Variants in ARHGAP12 observed in about 807,000 individuals in gnomAD.
The protein encoded by ARHGAP12 is rho GTPase-activating protein 12.
In ARHGAP12, 64 loss-of-function variants were observed where a neutral mutation model predicts 108.6. That is an observed-to-expected ratio of 0.59 (90% CI 0.48 to 0.73). The LOEUF is 0.73. Among genes scored for constraint, ARHGAP12 ranks in the 30% least tolerant of loss-of-function variants. The probability of loss-of-function intolerance (pLI) is 0.00; values close to 1 mark genes in which losing one functional copy is unlikely to be tolerated. For missense variants in ARHGAP12, 940 were observed against 1,005.9 expected, an observed-to-expected ratio of 0.93 and a Z score of 0.89; for synonymous variants, 312 against 337.2, an observed-to-expected ratio of 0.93 and a Z score of 0.82.
intron 13 of ARHGAP12, among the ~76,000 whole-genome samples, chr10:31,815,035 G>A (rs181689431): frequency 2.6e-5 from 4 of 151,338 alleles, no homozygotes; most frequent in East Asian, 3.9e-4. Context: ...CAGGAGAATC[G>A]GCGTGAACCT....
At chr10:31,832,134 A>C (rs1158163971) in intron 9 of ARHGAP12, among the ~76,000 whole-genome samples, 1 of 152,208 alleles carries the variant, frequency 6.6e-6, no homozygotes, top group East Asian at 1.9e-4. Flanking sequence ...ATACAATGCT[A>C]TAAGGATAAA....
At chr10:31,882,885 C>T (rs1838034718) in intron 3 of ARHGAP12, among the ~76,000 whole-genome samples, 1 of 151,070 alleles carries the variant, frequency 6.6e-6, no homozygotes, top group Non-Finnish European at 1.5e-5. Context: ...CTGAAAGCTT[C>T]TAGTAAGTGG....
chr10:31,839,442 C>A (rs1188592465), intron 8 of ARHGAP12, 123 bp from the exon 9 acceptor site: 2 of 1,139,558 alleles, frequency 1.8e-6, no homozygotes, highest in Non-Finnish European at 2.4e-6. Flanking sequence ...ATGTAAGATA[C>A]CATATTTTAA....
At chr10:31,880,149 T>A (rs1159123303) in intron 3 of ARHGAP12, among the ~76,000 whole-genome samples, 3 of 152,248 alleles carry the variant, frequency 2.0e-5, no homozygotes, top group Non-Finnish European at 4.4e-5. Context: ...AATTCATTAT[T>A]CAAGTAAATT....
At chr10:31,902,649 TGACA>T (rs1050847125) in intron 3 of ARHGAP12, among the ~76,000 whole-genome samples, 3 of 150,472 alleles carry the variant, frequency 2.0e-5, no homozygotes, top group Non-Finnish European at 4.4e-5. Flanking sequence ...CCAGCCTAGG[TGACA>T]GACAAAGACC....
chr10:31,810,383 T>A (rs1466465177), intron 16 of ARHGAP12, among the ~76,000 whole-genome samples: 1 of 152,192 alleles, frequency 6.6e-6, no homozygotes, highest in East Asian at 1.9e-4. Context: ...TTTAAGCAAA[T>A]GCTTAAATGA....
chr10:31,897,683 CTATCACCTGATA>C (rs1838757179), intron 3 of ARHGAP12, among the ~76,000 whole-genome samples: 1 of 152,150 alleles, frequency 6.6e-6, no homozygotes, highest in Non-Finnish European at 1.5e-5. Flanking sequence ...ACTTCAGTTC[CTATCACCTGATA>C]TATGGTGTCT....
Position 31,830,444 on chromosome 10 carries a change from T to C in ARHGAP12, c.1448+1295A>G, listed in dbSNP as rs1835791590. Among the ~76,000 whole-genome samples, 3 of 152,208 alleles carry C rather than the reference T, an allele frequency of 2.0e-5. No homozygotes were observed. The South Asian group carries it at 6.2e-4, about 32-fold the overall frequency. ...AAAGCAAAGAAAGTAGCCGAAGAGC[T>C]ATCTGCACTACATATTCCCAAAATG... On this transcript the variant is annotated intron_variant, in intron 10 of 19. Transcript: ENST00000344936.
chr10:31,835,214 A>G (rs1475209590), intron 9 of ARHGAP12, among the ~76,000 whole-genome samples: 2 of 150,396 alleles, frequency 1.3e-5, no homozygotes, highest in South Asian at 4.2e-4. Flanking sequence ...AAAAAAAAAA[A>G]AAAGAAAAAA....
chr10:31,862,335 T>C (rs1225171989), intron 3 of ARHGAP12, among the ~76,000 whole-genome samples: 1 of 152,184 alleles, frequency 6.6e-6, no homozygotes, highest in African/African-American at 2.4e-5. Flanking sequence ...AAGTAAGAAT[T>C]AGTAGTAACT....
Position 31,861,522 on chromosome 10 carries a change from T to G in ARHGAP12, c.821A>C (p.His274Pro). ...ATAGCAACGCCCTGAGCTGTCTTTA[T>G]GAGTTTCCCATTCTCCATTAATCTG... Reference protein sequence around the residue: ...AIQINGEWETHKDSSGRCYYY... With the variant: ...AIQINGEWETPKDSSGRCYYY... Residue 274 changes from histidine to proline, a missense_variant, in exon 4 of 20, where the codon CAT (histidine) becomes CCT (proline). His to Pro is a moderately conservative substitution (Grantham distance 77, BLOSUM62 -2). Coordinates refer to ENST00000344936, the MANE Select transcript of ARHGAP12 (RefSeq NM_018287.7). 1 of 1,614,154 alleles carries G rather than the reference T, an allele frequency of 6.2e-7. No homozygotes were observed. Among genetic ancestry groups the G allele is most frequent in the Non-Finnish European group, 8.5e-7 (1 of 1,180,030 alleles).
rs1019209760 is a variant in ARHGAP12, at chr10:31,809,291, C to A, written c.2067G>T (p.Gly689=). The A allele has an allele frequency of 2.5e-6, 4 of 1,613,588 alleles. No homozygotes were observed. Among genetic ancestry groups the A allele is most frequent in the Non-Finnish European group, 2.5e-6 (3 of 1,179,696 alleles). Reference sequence around the variant, plus strand: ...CGAGGTTGCCACTTACTCTGTATATCCCATCAATATCCAAACCTAAGAGAC... The same window carrying A: ...CGAGGTTGCCACTTACTCTGTATATACCATCAATATCCAAACCTAAGAGAC... ...HVEEHGLDID[G]IYRVSGNLAV... The change falls in exon 17 of 20, where the codon GGG becomes GGT. Residue 689 remains glycine (G), a synonymous_variant. Coordinates refer to ENST00000344936, the MANE Select transcript of ARHGAP12 (RefSeq NM_018287.7).
At chr10:31,835,372 AAT>A (rs1419420633) in intron 9 of ARHGAP12, among the ~76,000 whole-genome samples, 1 of 152,150 alleles carries the variant, frequency 6.6e-6, no homozygotes. Flanking sequence ...CTTATACATG[AAT>A]ATTTGTTGGT....
At chr10:31,838,074 G>A (rs2132224006) in intron 9 of ARHGAP12, among the ~76,000 whole-genome samples, 1 of 152,200 alleles carries the variant, frequency 6.6e-6, no homozygotes, top group African/African-American at 2.4e-5. Context: ...GAGTATTATA[G>A]GAAAACTTTG....
At chr10:31,834,334 A>G (rs1004410491) in intron 9 of ARHGAP12, among the ~76,000 whole-genome samples, 6 of 152,220 alleles carry the variant, frequency 3.9e-5, no homozygotes, top group Admixed American at 1.3e-4. Flanking sequence ...TGATCAGGTC[A>G]TGAAGGTGAA....
intron 9 of ARHGAP12, among the ~76,000 whole-genome samples, chr10:31,836,764 C>T (rs1171893107): frequency 2.0e-5 from 3 of 151,990 alleles, no homozygotes; most frequent in African/African-American, 4.8e-5. Flanking sequence ...GCCATGCAAG[C>T]GCAGAGGAGG....
At chr10:31,869,298 A>C (rs1430208395) in intron 3 of ARHGAP12, among the ~76,000 whole-genome samples, 1 of 152,216 alleles carries the variant, frequency 6.6e-6, no homozygotes, top group Admixed American at 6.5e-5. Context: ...ACACTTCAGG[A>C]AGCTGAAGCA....
At chr10:31,911,604 C>T (rs1029581509) in intron 1 of ARHGAP12, among the ~76,000 whole-genome samples, 3 of 152,084 alleles carry the variant, frequency 2.0e-5, no homozygotes, top group African/African-American at 7.2e-5. Context: ...GCGACCACAC[C>T]CAGCCTACTT....
intron 10 of ARHGAP12, among the ~76,000 whole-genome samples, chr10:31,829,927 C>T (rs913268929): frequency 4.6e-5 from 7 of 152,034 alleles, no homozygotes; most frequent in Admixed American, 1.3e-4. Context: ...TCACATACTT[C>T]AAACAAAATA....
Sources: gnomAD v4.1 joint callset for allele counts (sites outside exome capture counted in the v4.1 genomes callset) on GRCh38, gnomAD v4.1.1 for gene constraint, MANE v1.5 for transcripts, NCBI Gene and HGNC (gene_info 2026-07-23, HGNC 2026-07-21) for gene names.